TASP1: variants seen among roughly 807,000 people sequenced by gnomAD.
TASP1 encodes the protein threonine aspartase 1.
A neutral mutation model predicts 56.6 loss-of-function variants in TASP1; 16 were observed. That is an observed-to-expected ratio of 0.28 (90% CI 0.19 to 0.43). The LOEUF is 0.43. Among genes scored for constraint, TASP1 ranks in the 20% least tolerant of loss-of-function variants. TASP1 has a pLI of 1.00. For missense variants in TASP1, 393 were observed against 511.6 expected (o/e 0.77, Z 2.24); for synonymous variants, 179 against 184.2 (o/e 0.97, Z 0.23).
intron 5 of TASP1, among the ~76,000 whole-genome samples, chr20:13,581,880 G>C (rs1015704915): frequency 3.9e-5 from 6 of 152,156 alleles, no homozygotes; most frequent in Non-Finnish European, 7.3e-5. Flanking sequence ...TTTATACAGA[G>C]GGTTAAGTTG....
chr20:13,630,161 A>G lies in TASP1; in HGVS notation c.-74-9T>C. The G allele has an allele frequency of 6.9e-7, 1 of 1,446,356 alleles. No individual in the cohort carries two copies. The highest frequency in any genetic ancestry group is 9.3e-7 in the Non-Finnish European group (1 of 1,075,416). The allele number at this position is 1,446,356 out of a possible 1,614,324, so 89.6% of individuals were successfully genotyped here. On this transcript the variant is annotated splice_polypyrimidine_tract_variant and intron_variant, in intron 1 of 13. Transcript: ENST00000337743. ...GCAGGAGAGGAATTACCCTAAAGGA[A>G]AACAGGCAAAGATGGTATACATTTC...
the TASP1 span, among the ~76,000 whole-genome samples, chr20:13,151,915 C>A: frequency 6.6e-6 from 1 of 152,050 alleles, no homozygotes; most frequent in Non-Finnish European, 1.5e-5. Flanking sequence ...GCTAGTGATA[C>A]CTTACCTAAC....
chr20:13,604,065 TCCACTGACTC>T (rs1230345776), intron 4 of TASP1, among the ~76,000 whole-genome samples: 1 of 152,172 alleles, frequency 6.6e-6, no homozygotes, highest in African/African-American at 2.4e-5. Flanking sequence ...TAATTTTCCA[TCCACTGACTC>T]CTACCCAGTT....
the TASP1 span, among the ~76,000 whole-genome samples, chr20:13,268,042 G>A: frequency 3.9e-5 from 6 of 152,230 alleles, no homozygotes; most frequent in Non-Finnish European, 8.8e-5. Flanking sequence ...AATGCATTCA[G>A]CTATCTCCCC....
At chr20:13,225,997 C>A in the TASP1 span, among the ~76,000 whole-genome samples, 37 of 152,238 alleles carry the variant, frequency 2.4e-4, no homozygotes, top group Non-Finnish European at 4.1e-4. Context: ...ATTGCCTTTC[C>A]ACTAAATCTC....
At chr20:13,608,651 ATTC>A (rs2048243924) in intron 4 of TASP1, among the ~76,000 whole-genome samples, 1 of 152,240 alleles carries the variant, frequency 6.6e-6, no homozygotes, top group Admixed American at 6.5e-5. Flanking sequence ...ATGAAATATT[ATTC>A]TTCTTTTGAT....
the TASP1 span, among the ~76,000 whole-genome samples, chr20:13,309,570 C>T: frequency 3.3e-5 from 5 of 152,128 alleles, no homozygotes; most frequent in Non-Finnish European, 7.4e-5. Context: ...TGCTTATATT[C>T]AGCACAGTTC....
intron 10 of TASP1, among the ~76,000 whole-genome samples, chr20:13,509,981 G>A (rs548512702): frequency 6.6e-6 from 1 of 151,824 alleles, no homozygotes; most frequent in Non-Finnish European, 1.5e-5. Context: ...CTACCTACTG[G>A]GTACTATGCT....
At chr20:13,136,699 TTA>T in the TASP1 span, among the ~76,000 whole-genome samples, 37 of 147,178 alleles carry the variant, frequency 2.5e-4, no homozygotes, top group East Asian at 7.0e-3. Flanking sequence ...TAAATAAAAG[TTA>T]TATATATTTA....
intron 13 of TASP1, among the ~76,000 whole-genome samples, chr20:13,402,333 A>G (rs1029275110): frequency 2.0e-5 from 3 of 152,244 alleles, no homozygotes; most frequent in East Asian, 3.8e-4. Context: ...CATACATTCA[A>G]TCTTCTGCAG....
chr20:13,405,712 A>C (rs1195937365), intron 13 of TASP1, among the ~76,000 whole-genome samples: 2 of 140,330 alleles, frequency 1.4e-5, no homozygotes, highest in African/African-American at 6.1e-5. Flanking sequence ...ATGCCCAGCT[A>C]ATTTTTTTTT....
At chr20:13,504,483 A>G (rs562699067) in intron 10 of TASP1, among the ~76,000 whole-genome samples, 1 of 152,278 alleles carries the variant, frequency 6.6e-6, no homozygotes, top group African/African-American at 2.4e-5. Context: ...TACTAGCTGA[A>G]ATGAAAGGAT....
the TASP1 span, among the ~76,000 whole-genome samples, chr20:13,124,057 G>T: frequency 3.3e-5 from 5 of 152,208 alleles, no homozygotes; most frequent in Non-Finnish European, 5.9e-5. Context: ...CGGATACCCT[G>T]TGGCTGATGA....
At chr20:13,177,608 T>C in the TASP1 span, among the ~76,000 whole-genome samples, 1 of 152,154 alleles carries the variant, frequency 6.6e-6, no homozygotes, top group African/African-American at 2.4e-5. Context: ...TATTAATCCA[T>C]ATATCTACAG....
At chr20:13,361,189 C>T in the TASP1 span, among the ~76,000 whole-genome samples, 1 of 152,254 alleles carries the variant, frequency 6.6e-6, no homozygotes, top group East Asian at 1.9e-4. Context: ...CTCAACATGC[C>T]CTGAGTCAGA....
At chr20:13,321,859 G>C in the TASP1 span, among the ~76,000 whole-genome samples, 1 of 152,202 alleles carries the variant, frequency 6.6e-6, no homozygotes, top group Non-Finnish European at 1.5e-5. Context: ...TCTTGGGCTA[G>C]ACTGCTCAGG....
chr20:13,129,070 C>T, the TASP1 span, among the ~76,000 whole-genome samples: 1 of 151,806 alleles, frequency 6.6e-6, no homozygotes, highest in Admixed American at 6.6e-5. Context: ...GAGATGGGGT[C>T]TCGCCAGATT....
At chr20:13,591,943 AATAAAAG>A (rs1216067957) in intron 4 of TASP1, among the ~76,000 whole-genome samples, 4 of 152,202 alleles carry the variant, frequency 2.6e-5, no homozygotes, top group Non-Finnish European at 4.4e-5. Flanking sequence ...CTACTAAAAA[AATAAAAG>A]AAGTATAGCT....
At chr20:13,337,568 T>C in the TASP1 span, among the ~76,000 whole-genome samples, 2 of 152,340 alleles carry the variant, frequency 1.3e-5, no homozygotes, top group African/African-American at 4.8e-5. Flanking sequence ...CACCAATTTA[T>C]GCTGTCGTGG....
Sources: allele counts gnomAD v4.1 joint callset (sites outside exome capture counted in the v4.1 genomes callset), GRCh38; gene constraint gnomAD v4.1.1; transcripts MANE v1.5; gene names NCBI Gene and HGNC (gene_info 2026-07-23, HGNC 2026-07-21).